IFT43: variants seen among roughly 807,000 people sequenced by gnomAD.
IFT43 encodes the protein intraflagellar transport 43.
In IFT43, 33 loss-of-function variants were observed where a neutral mutation model predicts 32.3. The observed-to-expected ratio is 1.02, with a 90% CI of 0.77 to 1.37. The LOEUF is 1.37. Among genes scored for constraint, IFT43 ranks in the 40% most tolerant of loss-of-function variants. The pLI, the probability that IFT43 is intolerant of heterozygous loss-of-function variation, is 0.00. For missense variants in IFT43, 274 were observed against 265.9 expected, an observed-to-expected ratio of 1.03 and a Z score of -0.21; for synonymous variants, 93 against 98.2, an observed-to-expected ratio of 0.95 and a Z score of 0.31.
intron 2 of IFT43, among the ~76,000 whole-genome samples, chr14:75,993,732 A>C (rs2035687095): frequency 2.6e-5 from 4 of 152,194 alleles, no homozygotes; most frequent in Admixed American, 2.6e-4. Context: ...CTGCTCTGCT[A>C]TCTGGAGCCT....
Position 76,022,231 on chromosome 14 carries a change from A to T in IFT43, c.148-96A>T, listed in dbSNP as rs1224598264. The T allele has an allele frequency of 4.4e-6, 5 of 1,137,020 alleles. No individual in the cohort carries two copies. The South Asian group carries it at 6.3e-5, about 14-fold the overall frequency. 70.4% of individuals were successfully genotyped at this position (1,137,020 alleles called of 1,614,324 possible). On this transcript the variant is annotated intron_variant, in intron 2 of 8. Transcript: ENST00000314067. ...GCACCACTGCACTCCAGCCTGGGTGACAGAGTGAGATTTCATCTCAAAAAA... is the reference window on the plus strand; with the variant it reads ...GCACCACTGCACTCCAGCCTGGGTGTCAGAGTGAGATTTCATCTCAAAAAA...
intron 5 of IFT43, among the ~76,000 whole-genome samples, chr14:76,062,938 A>AAAAAAGAATAAAG (rs1485146040): frequency 8.3e-6 from 1 of 120,832 alleles, no homozygotes; most frequent in African/African-American, 3.3e-5. Context: ...AAAAAAAAAA[A>AAAAAAGAATAAAG]AAAGAAAATA....
chr14:76,062,605 A>G (rs546791862), intron 5 of IFT43, among the ~76,000 whole-genome samples: 19 of 152,198 alleles, frequency 1.2e-4, no homozygotes, highest in Admixed American at 1.2e-3. Context: ...TTGCTTTTGC[A>G]CCATCATAAA....
intron 5 of IFT43, among the ~76,000 whole-genome samples, chr14:76,061,805 A>G (rs2140059057): frequency 6.6e-6 from 1 of 152,228 alleles, no homozygotes; most frequent in Non-Finnish European, 1.5e-5. Context: ...TTTTCAGATT[A>G]TGGCATATTT....
intron 3 of IFT43, among the ~76,000 whole-genome samples, chr14:76,031,025 T>C (rs2036500767): frequency 6.8e-6 from 1 of 148,090 alleles, no homozygotes; most frequent in Admixed American, 6.8e-5. Context: ...TATGTGTATA[T>C]ATATATAATT....
chr14:76,029,188 G>A (rs2036461421), intron 3 of IFT43, among the ~76,000 whole-genome samples: 1 of 152,110 alleles, frequency 6.6e-6, no homozygotes, highest in African/African-American at 2.4e-5. Flanking sequence ...GTATCTCATT[G>A]TGGCTTCAAT....
chr14:76,036,287 A>G (rs1276646042), intron 3 of IFT43, among the ~76,000 whole-genome samples: 4 of 152,100 alleles, frequency 2.6e-5, no homozygotes, highest in Admixed American at 2.6e-4. Context: ...AGAACAAATC[A>G]AGGTCCATAT....
chr14:76,030,029 C>T lies in IFT43; in HGVS notation c.215+7635C>T, dbSNP rs10134706. Reference sequence around the variant, plus strand: ...CCCAGTAGCTAGGACTGCAGGCATGCACCACAATGCCTGGCTAATTTTTTT... The same window carrying T: ...CCCAGTAGCTAGGACTGCAGGCATGTACCACAATGCCTGGCTAATTTTTTT... On this transcript the variant is annotated intron_variant, in intron 3 of 8. Transcript: ENST00000314067. 3.3e-3 allele frequency among the ~76,000 whole-genome samples: 500 copies of T among 151,956 alleles called. 1 individual carries two copies. Among genetic ancestry groups the T allele is most frequent in the African/African-American group, 0.011 (474 of 41,454 alleles).
chr14:76,025,719 A>G (rs2036379214), intron 3 of IFT43, among the ~76,000 whole-genome samples: 2 of 152,238 alleles, frequency 1.3e-5, no homozygotes, highest in Non-Finnish European at 2.9e-5. Context: ...TATTCAATAA[A>G]TGGTGTTGAG....
chr14:76,040,405 G>T (rs1362682787), intron 3 of IFT43, among the ~76,000 whole-genome samples: 1 of 152,224 alleles, frequency 6.6e-6, no homozygotes. Context: ...CCCTTGGAAA[G>T]TATTGTGAAG....
At chr14:75,987,386 C>T (rs555051121) in intron 1 of IFT43, among the ~76,000 whole-genome samples, 2 of 152,288 alleles carry the variant, frequency 1.3e-5, no homozygotes, top group East Asian at 1.9e-4. Flanking sequence ...AGAGTTTTTA[C>T]GAGCTCTTCT....
intron 2 of IFT43, among the ~76,000 whole-genome samples, chr14:75,994,507 T>A (rs559756967): frequency 9.6e-4 from 146 of 152,298 alleles, no homozygotes; most frequent in African/African-American, 3.4e-3. Flanking sequence ...AGGGTTGTTG[T>A]GAAGATCAAA....
chr14:76,017,953 G>A (rs1434381621), intron 2 of IFT43, among the ~76,000 whole-genome samples: 1 of 151,086 alleles, frequency 6.6e-6, no homozygotes, highest in African/African-American at 2.4e-5. Context: ...TTTCTTGGTT[G>A]GTCTAGCTAG....
At chr14:76,014,120 A>G in intron 2 of IFT43, 1 of 278,210 alleles carries the variant, frequency 3.6e-6, no homozygotes, top group Non-Finnish European at 7.4e-6. Context: ...ACAAAGAAAT[A>G]TGAGGAAAAG....
intron 2 of IFT43, among the ~76,000 whole-genome samples, chr14:75,994,208 G>T (rs1424788928): frequency 6.6e-6 from 1 of 151,064 alleles, no homozygotes; most frequent in African/African-American, 2.4e-5. Context: ...AAAAAAAATT[G>T]TATGCCCTAA....
intron 3 of IFT43, among the ~76,000 whole-genome samples, chr14:76,055,557 C>T (rs916718679): frequency 3.9e-5 from 6 of 152,116 alleles, no homozygotes. Context: ...GGTTTCATGG[C>T]TCACTCGTGG....
intron 3 of IFT43, among the ~76,000 whole-genome samples, chr14:76,029,728 C>G (rs1405376382): frequency 6.6e-6 from 1 of 152,022 alleles, no homozygotes; most frequent in African/African-American, 2.4e-5. Context: ...TGTCCTTTCC[C>G]TGTTGCTTAT....
At chr14:76,078,142 T>C (rs2037443073) in intron 5 of IFT43, among the ~76,000 whole-genome samples, 1 of 152,212 alleles carries the variant, frequency 6.6e-6, no homozygotes, top group African/African-American at 2.4e-5. Context: ...TAAAAGGACA[T>C]ATGTGCTGTG....
chr14:76,083,818 T>C (rs1449297433), downstream of IFT43: 1 of 654,790 alleles, frequency 1.5e-6, no homozygotes, highest in East Asian at 3.0e-5. Context: ...AACCAGCTGA[T>C]AGGAACTCAG....
Sources: gnomAD v4.1 joint callset for allele counts (sites outside exome capture counted in the v4.1 genomes callset) on GRCh38, gnomAD v4.1.1 for gene constraint, MANE v1.5 for transcripts, NCBI Gene and HGNC (gene_info 2026-07-23, HGNC 2026-07-21) for gene names.